The following RPS6KA1 variants were observed in gnomAD, a reference collection of about 807,000 sequenced individuals.
RPS6KA1 encodes the protein ribosomal protein S6 kinase A1, also known as ribosomal protein S6 kinase alpha-1.
A neutral mutation model predicts 91.3 loss-of-function variants in RPS6KA1; 48 were observed. The observed-to-expected ratio is 0.53, with a 90% CI of 0.42 to 0.67. RPS6KA1 has a LOEUF of 0.67. RPS6KA1 is among the 30% of genes least tolerant of loss of function. The pLI, the probability that RPS6KA1 is intolerant of heterozygous loss-of-function variation, is 0.00. For synonymous variants in RPS6KA1, 359 were observed against 384.7 expected (o/e 0.93, Z 0.78); for missense variants, 719 against 960.5 (o/e 0.75, Z 3.32).
At chr1:26,569,166 T>C (rs901044028) in intron 17 of RPS6KA1, among the ~76,000 whole-genome samples, 11 of 123,914 alleles carry the variant, frequency 8.9e-5, no homozygotes, top group Non-Finnish European at 1.5e-4. Flanking sequence ...CGAGACTCCA[T>C]CTCAAAAAAA....
At chr1:26,538,905 C>A (rs1418928530) in intron 2 of RPS6KA1, among the ~76,000 whole-genome samples, 1 of 152,204 alleles carries the variant, frequency 6.6e-6, no homozygotes. Context: ...GTGGTCCGGA[C>A]CTCATCACTT....
At chr1:26,566,214 G>A (rs1181012908) in intron 17 of RPS6KA1, among the ~76,000 whole-genome samples, 1 of 149,128 alleles carries the variant, frequency 6.7e-6, no homozygotes, top group Non-Finnish European at 1.5e-5. Flanking sequence ...ACTTGCCAAT[G>A]TTGGTATTTT....
At chr1:26,537,079 G>A (rs964387223) in intron 2 of RPS6KA1, 110 bp downstream of exon 2, 11 of 1,140,134 alleles carry the variant, frequency 9.6e-6, no homozygotes, top group South Asian at 3.8e-5. Context: ...CAACTCAGCC[G>A]TCCTTCTCAG....
In RPS6KA1 at chr1:26,535,147, C is replaced by A. The variant is rs370995068; in HGVS notation, c.64-1778C>A. Among the ~76,000 whole-genome samples, 6 of 152,194 alleles carry A rather than the reference C, an allele frequency of 3.9e-5. No individual in the cohort carries two copies. The East Asian group carries it at 9.6e-4, about 24-fold the overall frequency. ...TCCCTACCACAGCCCAGCCCCTGGG[C>A]CCTGACCAACCCATCCCTTCTCCCC... On this transcript the variant is annotated intron_variant, in intron 1 of 21. Transcript: ENST00000374168.
At position 26,547,695 on chromosome 1, in the gene RPS6KA1, C is replaced by T; in HGVS notation, c.307+425C>T. ...CTAGGCAAGAGAGGGTGAGTCCAGG[C>T]AGGGCCACAGAGCTGGATGGCAGAG... On this transcript the variant is annotated intron_variant, in intron 4 of 21. Transcript: ENST00000374168. The surrounding 1 kb of genome is among the most constrained non-coding windows in gnomAD (Gnocchi z 4.1). 1 of 214,650 alleles carries T rather than the reference C, an allele frequency of 4.7e-6. No homozygotes were observed. Among genetic ancestry groups the T allele is most frequent in the Non-Finnish European group, 9.7e-6 (1 of 102,858 alleles). The allele number at this position is 214,650 out of a possible 1,614,324, so 13.3% of individuals were successfully genotyped here.
At position 26,573,156 on chromosome 1, in the gene RPS6KA1, C is replaced by T. The variant is rs549961062; in HGVS notation, c.1948-68C>T. ...GGAGCTAGCAGGAGATGGTTGCCCT[C>T]CTGTGCCCCATCAGGGGCCTGCTCC... is the stretch of plus-strand genomic sequence containing the variant. On this transcript the variant is annotated intron_variant, in intron 20 of 21. Transcript: ENST00000374168. 3.3e-6 allele frequency: 5 copies of T among 1,537,620 alleles called. No individual in the cohort carries two copies. In the Admixed American group the frequency reaches 6.8e-5, roughly 21 times the overall value.
intron 17 of RPS6KA1, among the ~76,000 whole-genome samples, chr1:26,567,035 G>A (rs1382616128): frequency 7.6e-6 from 1 of 131,366 alleles, no homozygotes; most frequent in East Asian, 2.2e-4. Flanking sequence ...TTTTTTTTTT[G>A]AGACAGGGTC....
In RPS6KA1 at chr1:26,574,035, A is replaced by G; in HGVS notation, c.2086-44A>G. Reference sequence around the variant, plus strand: ...TTGGGGCATGGATCCCCTCCCCGCTACATCTCCCACCATTGTGACCTGACC... The same window carrying G: ...TTGGGGCATGGATCCCCTCCCCGCTGCATCTCCCACCATTGTGACCTGACC... On this transcript the variant is annotated intron_variant, in intron 21 of 21. Transcript: ENST00000374168. This position sits in a 1 kb window ranked among gnomAD's most constrained non-coding sequence, Gnocchi z 4.3. 2 of 1,595,786 alleles carry G rather than the reference A, an allele frequency of 1.3e-6. No homozygotes were observed. Among genetic ancestry groups the G allele is most frequent in the Non-Finnish European group, 8.6e-7 (1 of 1,166,246 alleles).
At chr1:26,566,940 C>T (rs1202946914) in intron 17 of RPS6KA1, among the ~76,000 whole-genome samples, 1 of 152,220 alleles carries the variant, frequency 6.6e-6, no homozygotes, top group Non-Finnish European at 1.5e-5. Context: ...GAAGATGCTG[C>T]TGCCACTGCT....
chr1:26,565,203 G>T (rs1376286697), intron 17 of RPS6KA1, among the ~76,000 whole-genome samples: 1 of 152,138 alleles, frequency 6.6e-6, no homozygotes, highest in Non-Finnish European at 1.5e-5. Context: ...ATTTGGAGTG[G>T]ATCCTCTGGG....
At chr1:26,541,223 C>T (rs1024051559) in intron 2 of RPS6KA1, among the ~76,000 whole-genome samples, 5 of 150,768 alleles carry the variant, frequency 3.3e-5, no homozygotes. Flanking sequence ...TGCCACTGCA[C>T]TCCAGCCTGG....
At chr1:26,573,089 A>C in intron 20 of RPS6KA1, 135 bp from the exon 21 acceptor site, 1 of 870,500 alleles carries the variant, frequency 1.1e-6, no homozygotes, top group East Asian at 2.6e-5. Context: ...CCTGGAGCAG[A>C]GTGGAGAATG....
In RPS6KA1 at chr1:26,540,327, T is replaced by G. The variant is rs2075937644; in HGVS notation, c.108+3358T>G. On this transcript the variant is annotated intron_variant, in intron 2 of 21. Coordinates refer to ENST00000374168, the MANE Select transcript of RPS6KA1 (RefSeq NM_002953.4). This position sits in a 1 kb window ranked among gnomAD's most constrained non-coding sequence, Gnocchi z 4.2. Reference sequence around the variant, plus strand: ...TGCCCGGGAGCACCCAGCTAGTGAGTGGCCAGCTCTTCCTGACTTCCCACT... The same window carrying G: ...TGCCCGGGAGCACCCAGCTAGTGAGGGGCCAGCTCTTCCTGACTTCCCACT... Among the ~76,000 whole-genome samples, 1 of 152,106 alleles carries G rather than the reference T, an allele frequency of 6.6e-6. No individual in the cohort carries two copies. Among genetic ancestry groups the G allele is most frequent in the Admixed American group, 6.5e-5 (1 of 15,270 alleles).
At chr1:26,552,208 T>G (rs1163234310) in intron 6 of RPS6KA1, among the ~76,000 whole-genome samples, 1 of 151,936 alleles carries the variant, frequency 6.6e-6, no homozygotes, top group Non-Finnish European at 1.5e-5. Context: ...CCCAACATGG[T>G]GAAACCCCGT....
chr1:26,566,435 C>A (rs1342995280), intron 17 of RPS6KA1, among the ~76,000 whole-genome samples: 1 of 151,834 alleles, frequency 6.6e-6, no homozygotes, highest in Non-Finnish European at 1.5e-5. Context: ...AGGCGTGTAC[C>A]CACCACACCC....
intron 20 of RPS6KA1, 60 bp from the exon 21 acceptor site, chr1:26,573,164 C>T: frequency 6.4e-7 from 1 of 1,569,970 alleles, no homozygotes; most frequent in Non-Finnish European, 8.7e-7. Context: ...CTCCTGTGCC[C>T]CATCAGGGGC....
Position 26,551,582 on chromosome 1 carries a change from G to A in RPS6KA1, c.389-62G>A. On this transcript the variant is annotated intron_variant, in intron 5 of 21. Coordinates refer to ENST00000374168, the MANE Select transcript of RPS6KA1 (RefSeq NM_002953.4). This position sits in a 1 kb window ranked among gnomAD's most constrained non-coding sequence, Gnocchi z 4.5. The stretch of plus-strand genomic sequence containing the variant: ...CTGCCTGGCAGGCCAAGGGAGCCAG[G>A]GCCGGAGAAGCAGATCATAAGGCCG... 1.2e-6 allele frequency: 2 copies of A among 1,600,488 alleles called. No individual in the cohort carries two copies. The highest frequency in any genetic ancestry group is 3.3e-5 in the Admixed American group (2 of 60,010).
At chr1:26,537,069 C>T in intron 2 of RPS6KA1, 100 bp downstream of exon 2, 1 of 1,290,962 alleles carries the variant, frequency 7.7e-7, no homozygotes, top group Admixed American at 1.7e-5. Flanking sequence ...CCCCTTTGCC[C>T]AACTCAGCCG....
rs533909001 is a variant in RPS6KA1 at position 26,551,949 on chromosome 1, G to A, written c.468+226G>A. Among the ~76,000 whole-genome samples the A allele has an allele frequency of 6.6e-6, 1 of 152,320 alleles. No homozygotes were observed. The highest frequency in any genetic ancestry group is 2.4e-5 in the African/African-American group (1 of 41,572). Reference sequence around the variant, plus strand: ...CCCAAGGAAACTCCAGGGAGCTAAGGGTTCCTCTCACCTCTGCACCTGCCT... The same window carrying A: ...CCCAAGGAAACTCCAGGGAGCTAAGAGTTCCTCTCACCTCTGCACCTGCCT... On this transcript the variant is annotated intron_variant, in intron 6 of 21. Coordinates refer to ENST00000374168, the MANE Select transcript of RPS6KA1 (RefSeq NM_002953.4). The surrounding 1 kb of genome is among the most constrained non-coding windows in gnomAD (Gnocchi z 4.5).
Sources: allele counts gnomAD v4.1 joint callset (sites outside exome capture counted in the v4.1 genomes callset), GRCh38; gene constraint gnomAD v4.1.1; non-coding constraint Gnocchi (gnomAD v3.1); transcripts MANE v1.5; gene names NCBI Gene and HGNC (gene_info 2026-07-23, HGNC 2026-07-21).